The following QTRT2 variants were observed in gnomAD, a reference collection of about 807,000 sequenced individuals.
QTRT2 encodes queuine tRNA-ribosyltransferase domain containing 1.
QTRT2 carries 32 observed loss-of-function variants against 44.8 expected under a neutral mutation model. The ratio of observed to expected loss-of-function variants is 0.71; its 90% CI spans 0.54 to 0.96. The LOEUF (loss-of-function observed/expected upper bound fraction) is 0.96, where lower values mean the gene tolerates loss of function less well. QTRT2 is among the 40% of genes least tolerant of loss of function. The probability of loss-of-function intolerance (pLI) is 0.00; values close to 1 mark genes in which losing one functional copy is unlikely to be tolerated. For synonymous variants in QTRT2, 182 were observed against 187.4 expected, an observed-to-expected ratio of 0.97 and a Z score of 0.24; for missense variants, 461 against 503.1, an observed-to-expected ratio of 0.92 and a Z score of 0.80.
At chr3:114,078,218 C>T (rs1316017909) in intron 7 of QTRT2, 1 of 152,192 alleles carries the variant, frequency 6.6e-6, no homozygotes, top group African/African-American at 2.4e-5. Flanking sequence ...CATAACACTT[C>T]AGCACCAGTA....
rs772074588 is a variant in QTRT2 at position 114,068,041 on chromosome 3, C to T, written c.311C>T (p.Pro104Leu). Reference protein sequence around the residue: ...CSLHDPVSPCPAGYVTNKSVS... With the variant: ...CSLHDPVSPCLAGYVTNKSVS... The stretch of plus-strand genomic sequence containing the variant: ...CTGCACGATCCAGTCAGCCCCTGCC[C>T]GGCTGGTTATGTAACAAACAAGGTG... Residue 104 changes from proline (P) to leucine (L), a missense_variant, in exon 5 of 10, where the codon CCG becomes CTG. Physicochemically the swap from Pro to Leu is moderately conservative, Grantham distance 98. Coordinates refer to ENST00000281273, the MANE Select transcript of QTRT2 (RefSeq NM_024638.4). 11 of 1,613,688 alleles carry T rather than the reference C, an allele frequency of 6.8e-6. No individual in the cohort carries two copies. The highest frequency in any genetic ancestry group is 4.5e-5 in the East Asian group (2 of 44,876).
intron 2 of QTRT2, 55 bp from the exon 3 acceptor site, chr3:114,065,182 T>C (rs747807894): frequency 4.5e-5 from 55 of 1,231,002 alleles, no homozygotes; most frequent in Non-Finnish European, 6.1e-5. Context: ...TGCAAAATGC[T>C]TGGCCTCTAG....
intron 6 of QTRT2, among the ~76,000 whole-genome samples, chr3:114,072,726 A>G (rs892643058): frequency 2.6e-5 from 4 of 152,070 alleles, no homozygotes; most frequent in African/African-American, 9.7e-5. Context: ...TTCTCCATAT[A>G]TTACCTGGGT....
rs1319620051 is a variant in QTRT2, at chr3:114,065,422, G to T, written c.165G>T (p.Gly55=). 1 of 1,613,974 alleles carries T rather than the reference G, an allele frequency of 6.2e-7. No homozygotes were observed. Among genetic ancestry groups the T allele is most frequent in the Admixed American group, 1.7e-5 (1 of 59,986 alleles). ...LTHHTLHNIH[G]VPAMAQLTLS... is the part of the protein sequence containing the mutation. The stretch of plus-strand genomic sequence containing the variant: ...ATCACACGCTGCATAATATCCACGG[G>T]GTTCCTGCCATGGCTCAGCTTACGC... Residue 55 remains glycine, a synonymous_variant, in exon 3 of 10, where the codon GGG becomes GGT. Transcript: ENST00000281273.
rs2077238248 is a variant in QTRT2, at chr3:114,086,459, C to G, written c.*555C>G. 6.3e-6 allele frequency: 1 copy of G among 159,946 alleles called. No individual in the cohort carries two copies. The highest frequency in any genetic ancestry group is 1.4e-5 in the Non-Finnish European group (1 of 72,020). The allele number at this position is 159,946 out of a possible 1,614,324, so 9.9% of individuals were successfully genotyped here. A position where few individuals can be genotyped will look rare whatever the true frequency, so the allele number is the denominator to read the frequency against. On this transcript the variant is annotated 3_prime_UTR_variant, in exon 10 of 10. Coordinates refer to ENST00000281273, the MANE Select transcript of QTRT2 (RefSeq NM_024638.4). ...GTGACTTAACTGGGCTTGGATATCC[C>G]TGGAATGTGGGGCTTGAACATTGCT...
At position 114,079,987 on chromosome 3, in the gene QTRT2, T is replaced by G; in HGVS notation, c.828T>G (p.Pro276=). The change falls in exon 8 of 10, where the codon CCT becomes CCG. Residue 276 remains proline (P), a synonymous_variant. Transcript: ENST00000281273. ...TGGACTTATTTGAGAGTTTTTTCCC[T>G]TATCAAGTAACAGAGCGGGGATGTG... ...RGVDLFESFF[P]YQVTERGCAL... 1 of 1,613,826 alleles carries G rather than the reference T, an allele frequency of 6.2e-7. No homozygotes were observed. Among genetic ancestry groups the G allele is most frequent in the Non-Finnish European group, 8.5e-7 (1 of 1,179,792 alleles).
In QTRT2 at chr3:114,079,995, T is replaced by G. The variant is rs979583209; in HGVS notation, c.836T>G (p.Val279Gly). The G allele has an allele frequency of 6.2e-7, 1 of 1,613,832 alleles. No homozygotes were observed. The highest frequency in any genetic ancestry group is 8.5e-7 in the Non-Finnish European group (1 of 1,179,812). The stretch of plus-strand genomic sequence containing the variant: ...TTTGAGAGTTTTTTCCCTTATCAAG[T>G]AACAGAGCGGGGATGTGCCCTGACT... Reference protein sequence around the residue: ...DLFESFFPYQVTERGCALTFS... With the variant: ...DLFESFFPYQGTERGCALTFS... The change falls in exon 8 of 10, where the codon GTA becomes GGA. Residue 279 changes from valine to glycine, a missense_variant. By Grantham distance (109) the Val-to-Gly change is moderately radical (BLOSUM62 -3). Coordinates refer to ENST00000281273, the MANE Select transcript of QTRT2 (RefSeq NM_024638.4).
chr3:114,065,509 A>G (rs756536074), intron 3 of QTRT2, 52 bp downstream of exon 3: 1 of 1,353,978 alleles, frequency 7.4e-7, no homozygotes, highest in Non-Finnish European at 1.0e-6. Context: ...CAGCTTAGTT[A>G]CCTTAGGTGC....
chr3:114,065,585 G>T, intron 3 of QTRT2, 128 bp downstream of exon 3: 1 of 733,666 alleles, frequency 1.4e-6, no homozygotes, highest in Non-Finnish European at 2.2e-6. Context: ...GAAATCAGAA[G>T]AGAGGTTTCA....
chr3:114,076,636 C>T (rs572310986), intron 6 of QTRT2, 107 bp from the exon 7 acceptor site: 1 of 984,926 alleles, frequency 1.0e-6, no homozygotes, highest in South Asian at 1.5e-5. Context: ...TCAACTACAG[C>T]AGCTTCACTG....
In QTRT2 at chr3:114,070,290, C is replaced by T. The variant is rs553944257; in HGVS notation, c.334-336C>T. 3.7e-4 allele frequency among the ~76,000 whole-genome samples: 57 copies of T among 152,014 alleles called. No homozygotes were observed. In the South Asian group the frequency reaches 5.4e-3, roughly 14 times the overall value. On this transcript the variant is annotated intron_variant, in intron 5 of 9. Transcript: ENST00000281273. ...TCAATAAAAAAAAGAAAAAGAAATACGGAACTGTCAGTCAAAAGGAACAGT... is the reference window on the plus strand; with the variant it reads ...TCAATAAAAAAAAGAAAAAGAAATATGGAACTGTCAGTCAAAAGGAACAGT...
At chr3:114,066,202 T>C in intron 3 of QTRT2, 26 bp from the exon 4 acceptor site, 1 of 1,523,916 alleles carries the variant, frequency 6.6e-7, no homozygotes, top group Non-Finnish European at 9.1e-7. Context: ...ATTATTATGT[T>C]ATGTATTTTT....
At chr3:114,072,175 C>T (rs1266073461) in intron 6 of QTRT2, among the ~76,000 whole-genome samples, 1 of 151,850 alleles carries the variant, frequency 6.6e-6, no homozygotes, top group Non-Finnish European at 1.5e-5. Context: ...TTGAGACAGT[C>T]TCACTCTATT....
chr3:114,078,009 T>A (rs2077115595), intron 7 of QTRT2: 1 of 152,146 alleles, frequency 6.6e-6, no homozygotes, highest in African/African-American at 2.4e-5. Flanking sequence ...TTACTACTTT[T>A]TTAAAGATCC....
At chr3:114,072,013 C>G (rs1224246562) in intron 6 of QTRT2, among the ~76,000 whole-genome samples, 1 of 152,184 alleles carries the variant, frequency 6.6e-6, no homozygotes, top group African/African-American at 2.4e-5. Context: ...CTTGGAATTC[C>G]TTGAGGCATT....
At position 114,075,793 on chromosome 3, in the gene QTRT2, CA is replaced by C. The variant is rs560743573; in HGVS notation, c.547-949del. 5.1e-3 allele frequency among the ~76,000 whole-genome samples: 772 copies of C among 152,218 alleles called. 8 individuals carry two copies. Among genetic ancestry groups the C allele is most frequent in the African/African-American group, 0.017 (699 of 41,540 alleles). On this transcript the variant is annotated intron_variant, in intron 6 of 9. Coordinates refer to ENST00000281273, the MANE Select transcript of QTRT2 (RefSeq NM_024638.4). ...TGCTGGGATTACAGACATGAGCCAC[CA>C]TGCCTGGCAAGTTTTTGTACTCAAA...
In QTRT2 at chr3:114,085,701, A is replaced by G. The variant is rs537988588; in HGVS notation, c.1045A>G (p.Arg349Gly). The G allele has an allele frequency of 1.9e-6, 3 of 1,614,190 alleles. No homozygotes were observed. The Admixed American group carries it at 5.0e-5, about 27-fold the overall frequency. The change falls in exon 10 of 10, where the codon AGA (arginine) becomes GGA (glycine). Residue 349 changes from arginine (R) to glycine (G), a missense_variant. Arg to Gly is a moderately radical substitution (Grantham distance 125, BLOSUM62 -2). Transcript: ENST00000281273. ...CCAGGAGGACTTTAACCCGCTGGTG[A>G]GAGGATGTTCCTGTTACTGCTGTAA... ...KYQEDFNPLV[R>G]GCSCYCCKNH... is the part of the protein sequence containing the mutation.
intron 6 of QTRT2, among the ~76,000 whole-genome samples, chr3:114,071,841 C>T (rs1482533239): frequency 6.6e-6 from 1 of 152,154 alleles, no homozygotes; most frequent in African/African-American, 2.4e-5. Context: ...TTGTAAAGCA[C>T]AAACAAGAGC....
intron 5 of QTRT2, among the ~76,000 whole-genome samples, chr3:114,069,318 G>A (rs2076994671): frequency 1.3e-5 from 2 of 151,916 alleles, no homozygotes; most frequent in South Asian, 2.1e-4. Context: ...ATGGGGGTTT[G>A]TTGTACAGAT....
Sources: gnomAD v4.1 joint callset for allele counts (sites outside exome capture counted in the v4.1 genomes callset) on GRCh38, gnomAD v4.1.1 for gene constraint, MANE v1.5 for transcripts, NCBI Gene and HGNC (gene_info 2026-07-23, HGNC 2026-07-21) for gene names.